Variants in PTAR1 observed in about 807,000 individuals in gnomAD.
The protein encoded by PTAR1 is protein prenyltransferase alpha subunit repeat containing 1.
A neutral mutation model predicts 45.5 loss-of-function variants in PTAR1; 17 were observed. That is an observed-to-expected ratio of 0.37 (90% CI 0.26 to 0.56). The LOEUF (loss-of-function observed/expected upper bound fraction) is 0.56, where lower values mean the gene tolerates loss of function less well. Among genes scored for constraint, PTAR1 ranks in the 20% least tolerant of loss-of-function variants. PTAR1 has a pLI of 0.77. For missense variants in PTAR1, 391 were observed against 476.3 expected, an observed-to-expected ratio of 0.82 and a Z score of 1.67; for synonymous variants, 169 against 171.3, an observed-to-expected ratio of 0.99 and a Z score of 0.11.
intron 5 of PTAR1, among the ~76,000 whole-genome samples, chr9:69,731,199 G>C (rs557913757): frequency 6.6e-6 from 1 of 152,188 alleles, no homozygotes; most frequent in African/African-American, 2.4e-5. Context: ...AGGAAACAAA[G>C]AGAGAAATGG....
At chr9:69,741,903 T>C in intron 2 of PTAR1, 45 bp from the exon 3 acceptor site, 2 of 1,222,124 alleles carry the variant, frequency 1.6e-6, no homozygotes, top group East Asian at 2.5e-5. Flanking sequence ...GTCCTACCTT[T>C]TAAAGCTTGG....
intron 5 of PTAR1, among the ~76,000 whole-genome samples, chr9:69,726,649 T>A (rs1261002239): frequency 6.6e-6 from 1 of 152,006 alleles, no homozygotes; most frequent in Non-Finnish European, 1.5e-5. Context: ...CTAATAAGAA[T>A]CACATTTCAT....
intron 1 of PTAR1, among the ~76,000 whole-genome samples, chr9:69,756,592 C>T (rs1166062401): frequency 6.6e-6 from 1 of 152,122 alleles, no homozygotes; most frequent in Non-Finnish European, 1.5e-5. Flanking sequence ...TTCTCAGCCA[C>T]ACTTTGCTTG....
intron 1 of PTAR1, among the ~76,000 whole-genome samples, chr9:69,754,532 C>CTTATTTT (rs1826675974): frequency 1.3e-5 from 1 of 76,260 alleles, no homozygotes; most frequent in African/African-American, 5.8e-5. Flanking sequence ...GGGTATATAT[C>CTTATTTT]TTTTTTTTTT....
rs1824633572 is a variant in PTAR1, at chr9:69,714,099, T to C, written c.*4243A>G. Reference sequence around the variant, plus strand: ...TGATTTTTCTTCATTAACTTCTCAGTGCCTCCACACATCTCTCCATTAAAT... The same window carrying C: ...TGATTTTTCTTCATTAACTTCTCAGCGCCTCCACACATCTCTCCATTAAAT... On this transcript the variant is annotated 3_prime_UTR_variant, in exon 8 of 8. Coordinates refer to ENST00000340434, the MANE Select transcript of PTAR1 (RefSeq NM_001099666.2). 1.3e-5 allele frequency: 2 copies of C among 152,136 alleles called. No homozygotes were observed. Among genetic ancestry groups the C allele is most frequent in the African/African-American group, 4.8e-5 (2 of 41,438 alleles). The allele number at this position is 152,136 out of a possible 1,614,324, so 9.4% of individuals were successfully genotyped here. A position where few individuals can be genotyped will look rare whatever the true frequency, so the allele number is the denominator to read the frequency against.
In PTAR1 at chr9:69,750,946, C is replaced by T; in HGVS notation, c.91G>A (p.Glu31Lys). ...NAFRRNPHIDEIGLIPCPEAR... is the reference protein window; with the variant it reads ...NAFRRNPHIDKIGLIPCPEAR... ...TCAGGACATGGGATCAGGCCAATTT[C>T]ATCTCTTAATATGTAAAACATAAAA... Residue 31 changes from glutamate to lysine, a missense_variant, in exon 2 of 8, where the codon GAA becomes AAA. Glu to Lys is a moderately conservative substitution (Grantham distance 56). Around this residue, in one of 5 missense-constraint regions of PTAR1, gnomAD observed 152 missense variants for 160.0 expected, o/e 0.95. Coordinates refer to ENST00000340434, the MANE Select transcript of PTAR1 (RefSeq NM_001099666.2). 2 of 1,574,704 alleles carry T rather than the reference C, an allele frequency of 1.3e-6. No individual in the cohort carries two copies. The highest frequency in any genetic ancestry group is 1.7e-6 in the Non-Finnish European group (2 of 1,161,940).
In PTAR1 at chr9:69,709,732, C is replaced by G. The variant is rs1037685155; in HGVS notation, c.*8610G>C. 3 of 152,020 alleles carry G rather than the reference C, an allele frequency of 2.0e-5. No homozygotes were observed. Among genetic ancestry groups the G allele is most frequent in the African/African-American group, 7.2e-5 (3 of 41,408 alleles). 9.4% of individuals were successfully genotyped at this position (152,020 alleles called of 1,614,324 possible). A position where few individuals can be genotyped will look rare whatever the true frequency, so the allele number is the denominator to read the frequency against. Reference sequence around the variant, plus strand: ...ATAAGTGCCAGTAAGTCCTGGAAGACAGTTGCAGAGGAAGATTAGAATCCC... The same window carrying G: ...ATAAGTGCCAGTAAGTCCTGGAAGAGAGTTGCAGAGGAAGATTAGAATCCC... On this transcript the variant is annotated 3_prime_UTR_variant, in exon 8 of 8. Transcript: ENST00000340434.
chr9:69,749,221 T>C (rs1826416627), intron 2 of PTAR1, among the ~76,000 whole-genome samples: 1 of 152,246 alleles, frequency 6.6e-6, no homozygotes, highest in African/African-American at 2.4e-5. Flanking sequence ...CTAACATACA[T>C]AAATGGGCAA....
intron 1 of PTAR1, among the ~76,000 whole-genome samples, 158 bp downstream of exon 1, chr9:69,759,695 C>A (rs1826992258): frequency 6.6e-6 from 1 of 151,508 alleles, no homozygotes; most frequent in Non-Finnish European, 1.5e-5. Flanking sequence ...CCAGCGGCGG[C>A]CGACAACGGT....
At position 69,716,672 on chromosome 9, in the gene PTAR1, GAAC is replaced by G. The variant is rs1366401632; in HGVS notation, c.*1667_*1669del. ...TTACAAATTACCTAGCAAGTAAAAA[GAAC>G]AACAGGCAAAGCATTGTTGTCACAC... is the stretch of plus-strand genomic sequence containing the variant. On this transcript the variant is annotated 3_prime_UTR_variant, in exon 8 of 8. Coordinates refer to ENST00000340434, the MANE Select transcript of PTAR1 (RefSeq NM_001099666.2). 6.6e-6 allele frequency: 1 copy of G among 152,092 alleles called. No homozygotes were observed. Among genetic ancestry groups the G allele is most frequent in the East Asian group, 1.9e-4 (1 of 5,198 alleles). 9.4% of individuals were successfully genotyped at this position (152,092 alleles called of 1,614,324 possible).
chr9:69,742,215 C>T (rs1362738094), intron 2 of PTAR1, among the ~76,000 whole-genome samples: 1 of 152,066 alleles, frequency 6.6e-6, no homozygotes, highest in Non-Finnish European at 1.5e-5. Flanking sequence ...TCACAAATAT[C>T]TCAAGTATTG....
rs568871012 is a variant in PTAR1, at chr9:69,715,051, T to C, written c.*3291A>G. On this transcript the variant is annotated 3_prime_UTR_variant, in exon 8 of 8. Transcript: ENST00000340434. The stretch of plus-strand genomic sequence containing the variant: ...TCTGTATGCAGGATCTGTCCTCTAG[T>C]ATCACAAATGAACAGAAAGTGGTGT... 1.3e-5 allele frequency: 2 copies of C among 152,168 alleles called. No homozygotes were observed. The highest frequency in any genetic ancestry group is 3.9e-4 in the East Asian group (2 of 5,180). 9.4% of individuals were successfully genotyped at this position (152,168 alleles called of 1,614,324 possible).
intron 1 of PTAR1, chr9:69,758,777 G>T: frequency 4.2e-6 from 1 of 236,370 alleles, no homozygotes. Context: ...GAACCGGTTA[G>T]AATACTTAAA....
rs984561851 is a variant in PTAR1 at position 69,713,363 on chromosome 9, T to C, written c.*4979A>G. On this transcript the variant is annotated 3_prime_UTR_variant, in exon 8 of 8. Coordinates refer to ENST00000340434, the MANE Select transcript of PTAR1 (RefSeq NM_001099666.2). ...GGCATATTGCTGCCCTTTAGGAATA[T>C]ATTATTCAACAGTTCTCTGTAAAAG... 1.1e-4 allele frequency: 17 copies of C among 152,152 alleles called. No homozygotes were observed. The highest frequency in any genetic ancestry group is 7.4e-5 in the Non-Finnish European group (5 of 68,002). The allele number at this position is 152,152 out of a possible 1,614,324, so 9.4% of individuals were successfully genotyped here.
In PTAR1 at chr9:69,711,727, A is replaced by G. The variant is rs986619025; in HGVS notation, c.*6615T>C. The G allele has an allele frequency of 2.0e-5, 3 of 152,154 alleles. No individual in the cohort carries two copies. Among genetic ancestry groups the G allele is most frequent in the Admixed American group, 2.0e-4 (3 of 15,252 alleles). 9.4% of individuals were successfully genotyped at this position (152,154 alleles called of 1,614,324 possible). On this transcript the variant is annotated 3_prime_UTR_variant, in exon 8 of 8. Coordinates refer to ENST00000340434, the MANE Select transcript of PTAR1 (RefSeq NM_001099666.2). ...GCCTTGCACAAGAAAATACTACTTA[A>G]TCTTTCACATCTCCTATCTTTCAAC...
In PTAR1 at chr9:69,714,401, AAGGT is replaced by A. The variant is rs1234459771; in HGVS notation, c.*3937_*3940del. The A allele has an allele frequency of 6.6e-6, 1 of 152,092 alleles. No homozygotes were observed. The highest frequency in any genetic ancestry group is 1.5e-5 in the Non-Finnish European group (1 of 68,000). 9.4% of individuals were successfully genotyped at this position (152,092 alleles called of 1,614,324 possible). On this transcript the variant is annotated 3_prime_UTR_variant, in exon 8 of 8. Coordinates refer to ENST00000340434, the MANE Select transcript of PTAR1 (RefSeq NM_001099666.2). Reference sequence around the variant, plus strand: ...GCATCTTCTATAACTCAGGGGAACTAAGGTAGGGATTATTAGATTGTTGTACAGT... The same window carrying A: ...GCATCTTCTATAACTCAGGGGAACTAAGGGATTATTAGATTGTTGTACAGT...
chr9:69,757,767 AAG>A (rs1826856061), intron 1 of PTAR1: 2 of 152,062 alleles, frequency 1.3e-5, no homozygotes, highest in Non-Finnish European at 1.5e-5. Flanking sequence ...AAAAAAAAAA[AAG>A]AAACACAGCC....
intron 1 of PTAR1, among the ~76,000 whole-genome samples, chr9:69,752,996 G>C (rs1010753473): frequency 1.3e-5 from 2 of 152,062 alleles, no homozygotes; most frequent in Admixed American, 1.3e-4. Flanking sequence ...TAAACTCAAT[G>C]TGATTATTTC....
intron 1 of PTAR1, among the ~76,000 whole-genome samples, chr9:69,759,300 CT>C (rs11295217): frequency 0.9 from 136,316 of 152,176 alleles, 61,567 homozygotes; most frequent in Middle Eastern, 0.96. Flanking sequence ...TTCTGTTCAC[CT>C]TTCAAAACAC....
Sources: allele counts gnomAD v4.1 joint callset (sites outside exome capture counted in the v4.1 genomes callset), GRCh38; gene constraint gnomAD v4.1.1; regional missense constraint gnomAD v4.1.1; transcripts MANE v1.5; gene names NCBI Gene and HGNC (gene_info 2026-07-23, HGNC 2026-07-21).